Variants in DCDC2 observed in about 807,000 individuals in gnomAD.
DCDC2 encodes the protein doublecortin domain-containing protein 2.
Under a neutral mutation model 50.2 loss-of-function variants are expected in DCDC2, and 40 were observed. That is an observed-to-expected ratio of 0.80 (90% CI 0.62 to 1.04). The LOEUF (loss-of-function observed/expected upper bound fraction) is 1.04. Ranked by LOEUF, DCDC2 falls within the 50% of genes least tolerant of loss-of-function variation. The probability of loss-of-function intolerance (pLI) is 0.00; values close to 1 mark genes in which losing one functional copy is unlikely to be tolerated. For missense variants in DCDC2, 570 were observed against 581.9 expected (o/e 0.98, Z 0.21); for synonymous variants, 234 against 210.6 (o/e 1.11, Z -0.96).
intron 7 of DCDC2, among the ~76,000 whole-genome samples, chr6:24,209,314 G>A (rs1403797509): frequency 6.6e-6 from 1 of 152,144 alleles, no homozygotes; most frequent in Non-Finnish European, 1.5e-5. Context: ...AACTTGCACA[G>A]TAAATTTGTG....
chr6:24,373,777 C>A, the DCDC2 span, among the ~76,000 whole-genome samples: 1 of 152,008 alleles, frequency 6.6e-6, no homozygotes, highest in Non-Finnish European at 1.5e-5. Context: ...ATTCCTGTTA[C>A]GTATTATTTA....
rs201827080 is a variant in DCDC2, at chr6:24,178,547, T to C, written c.1109A>G (p.Asn370Ser). The stretch of plus-strand genomic sequence containing the variant: ...ACCTCCTTCCTCTTCAAGGTCACCA[T>C]TCATTCCTGAAAAGTCTTCTTTCTG... ...AEQKEDFSGMNGDLEEEGGRE... is the reference protein window; with the variant it reads ...AEQKEDFSGMSGDLEEEGGRE... Residue 370 changes from asparagine to serine, a missense_variant, in exon 9 of 10, where the codon AAT (asparagine) becomes AGT (serine). Coordinates refer to ENST00000378454, the MANE Select transcript of DCDC2 (RefSeq NM_016356.5). 6 of 1,614,156 alleles carry C rather than the reference T, an allele frequency of 3.7e-6. No homozygotes were observed. The African/African-American group carries it at 8.0e-5, about 22-fold the overall frequency.
chr6:24,219,608 G>GT (rs1471775305), intron 7 of DCDC2, among the ~76,000 whole-genome samples: 1 of 152,214 alleles, frequency 6.6e-6, no homozygotes, highest in Non-Finnish European at 1.5e-5. Flanking sequence ...ATCAAATGCA[G>GT]TACCCGGGTT....
At chr6:24,378,505 G>C in the DCDC2 span, among the ~76,000 whole-genome samples, 1 of 152,056 alleles carries the variant, frequency 6.6e-6, no homozygotes, top group Non-Finnish European at 1.5e-5. Flanking sequence ...TAATTTGGAG[G>C]CATGATATAT....
In DCDC2 at chr6:24,218,282, GGAA is replaced by G. The variant is rs200889357; in HGVS notation, c.923-13183_923-13181del. On this transcript the variant is annotated intron_variant, in intron 7 of 9. Transcript: ENST00000378454. ...GTACTATTTATTACAAAATTATCAA[GGAA>G]GAAGATTCAAAATAGATCAAAACAA... Among the ~76,000 whole-genome samples, 599 of 152,128 alleles carry G rather than the reference GGAA, an allele frequency of 3.9e-3. 3 individuals are homozygous for G. Among genetic ancestry groups the G allele is most frequent in the African/African-American group, 0.013 (537 of 41,490 alleles).
At chr6:24,254,880 T>G (rs1417829999) in intron 7 of DCDC2, among the ~76,000 whole-genome samples, 1 of 152,176 alleles carries the variant, frequency 6.6e-6, no homozygotes, top group Non-Finnish European at 1.5e-5. Flanking sequence ...ATACTCAATA[T>G]TTTAAAGATT....
rs774157327 is a variant in DCDC2, at chr6:24,357,804, G to A, written c.-54C>T. 6.2e-6 allele frequency: 10 copies of A among 1,610,118 alleles called. No homozygotes were observed. The highest frequency in any genetic ancestry group is 2.2e-5 in the South Asian group (2 of 90,848). On this transcript the variant is annotated 5_prime_UTR_variant, in exon 1 of 10. Transcript: ENST00000378454. Reference sequence around the variant, plus strand: ...CTGCTTCGCGTCGGGAGGCACCTCCGCTGTCCCAGCGGCCTCACCGCACCC... The same window carrying A: ...CTGCTTCGCGTCGGGAGGCACCTCCACTGTCCCAGCGGCCTCACCGCACCC...
chr6:24,367,267 C>T, the DCDC2 span, among the ~76,000 whole-genome samples: 5 of 152,218 alleles, frequency 3.3e-5, no homozygotes, highest in South Asian at 4.1e-4. Context: ...AGTATACCTG[C>T]CCATGCCCTG....
intron 2 of DCDC2, among the ~76,000 whole-genome samples, chr6:24,305,729 C>T (rs1374481222): frequency 2.6e-5 from 4 of 152,066 alleles, no homozygotes; most frequent in African/African-American, 9.7e-5. Flanking sequence ...GCACTGTAAA[C>T]ATAAATGCCA....
intron 7 of DCDC2, among the ~76,000 whole-genome samples, chr6:24,236,970 T>C (rs943282893): frequency 1.3e-5 from 2 of 151,508 alleles, no homozygotes; most frequent in Non-Finnish European, 2.9e-5. Flanking sequence ...GATTGCACAA[T>C]TGCACTCCAG....
intron 2 of DCDC2, among the ~76,000 whole-genome samples, chr6:24,303,536 C>T (rs573758119): frequency 6.6e-6 from 1 of 152,300 alleles, no homozygotes; most frequent in South Asian, 2.1e-4. Flanking sequence ...ATTCCCTGCT[C>T]ATTCTTCTTG....
intron 6 of DCDC2, among the ~76,000 whole-genome samples, chr6:24,285,596 A>G (rs1348987494): frequency 6.6e-6 from 1 of 152,208 alleles, no homozygotes; most frequent in African/African-American, 2.4e-5. Context: ...CATCAGATGA[A>G]TTGATGTGAT....
chr6:24,282,460 C>T (rs1763498684), intron 6 of DCDC2, among the ~76,000 whole-genome samples: 1 of 152,024 alleles, frequency 6.6e-6, no homozygotes, highest in African/African-American at 2.4e-5. Context: ...CCAGGCTGCT[C>T]TCAAACTCCT....
chr6:24,372,699 A>AACC, the DCDC2 span, among the ~76,000 whole-genome samples: 4 of 152,030 alleles, frequency 2.6e-5, no homozygotes, highest in East Asian at 7.8e-4. Context: ...TCTCACTCAT[A>AACC]GATGGGAACT....
chr6:24,307,213 TCAC>T (rs1759489796), intron 2 of DCDC2, among the ~76,000 whole-genome samples: 1 of 152,104 alleles, frequency 6.6e-6, no homozygotes. Context: ...ATCTCAGCAC[TCAC>T]CACGTCTTGA....
In DCDC2 at chr6:24,180,553, G is replaced by A. The variant is rs62400345; in HGVS notation, c.1024-1921C>T. ...TCCACCTGCCTCAGCCTCCCAAAGT[G>A]CTGGGATTACAGGCATGAGCCACCA... is the stretch of plus-strand genomic sequence containing the variant. On this transcript the variant is annotated intron_variant, in intron 8 of 9. Transcript: ENST00000378454. Among the ~76,000 whole-genome samples, 4 of 152,116 alleles carry A rather than the reference G, an allele frequency of 2.6e-5. No individual in the cohort carries two copies. The East Asian group carries it at 5.8e-4, about 22-fold the overall frequency.
intron 2 of DCDC2, among the ~76,000 whole-genome samples, chr6:24,329,722 G>T (rs1189222759): frequency 6.6e-6 from 1 of 152,178 alleles, no homozygotes; most frequent in Non-Finnish European, 1.5e-5. Flanking sequence ...GAATCCATGA[G>T]ATGACACAAA....
intron 6 of DCDC2, among the ~76,000 whole-genome samples, chr6:24,283,321 T>C (rs1763517913): frequency 6.6e-6 from 1 of 152,310 alleles, no homozygotes; most frequent in Non-Finnish European, 1.5e-5. Flanking sequence ...ACTGAGGCTA[T>C]AAAAGGAATG....
intron 9 of DCDC2, among the ~76,000 whole-genome samples, chr6:24,176,415 A>T (rs1760913860): frequency 6.6e-6 from 1 of 152,014 alleles, no homozygotes; most frequent in Non-Finnish European, 1.5e-5. Context: ...GTCAATGCCA[A>T]ATTACATAAC....
Sources: gnomAD v4.1 joint callset for allele counts (sites outside exome capture counted in the v4.1 genomes callset) on GRCh38, gnomAD v4.1.1 for gene constraint, MANE v1.5 for transcripts, NCBI Gene and HGNC (gene_info 2026-07-23, HGNC 2026-07-21) for gene names.